Variants in HDAC4 observed in about 807,000 individuals in gnomAD.
HDAC4 encodes histone deacetylase 4.
A neutral mutation model predicts 135.1 loss-of-function variants in HDAC4; 16 were observed. That is an observed-to-expected ratio of 0.12 (90% CI 0.08 to 0.18). The LOEUF is 0.18. HDAC4 is among the 10% of genes least tolerant of loss of function. HDAC4 has a pLI of 1.00. For missense variants in HDAC4, 1,143 were observed against 1,511.8 expected, an observed-to-expected ratio of 0.76 and a Z score of 4.05; for synonymous variants, 685 against 653.4, an observed-to-expected ratio of 1.05 and a Z score of -0.74.
rs192092937 is a variant in HDAC4, at chr2:239,371,625, A to T, written c.-219-18707T>A. On this transcript the variant is annotated intron_variant, in intron 1 of 26. Coordinates refer to ENST00000543185, the MANE Select transcript of HDAC4 (RefSeq NM_001378414.1). The stretch of plus-strand genomic sequence containing the variant: ...CATGCTCACACATTCACACTCACAA[A>T]TACACTCATATAACCTCAAACACAC... Among the ~76,000 whole-genome samples the T allele has an allele frequency of 7.9e-5, 12 of 152,188 alleles. No individual in the cohort carries two copies. The East Asian group carries it at 2.3e-3, about 30-fold the overall frequency.
At chr2:239,058,245 A>G (rs1224725437) in intron 24 of HDAC4, among the ~76,000 whole-genome samples, 1 of 152,260 alleles carries the variant, frequency 6.6e-6, no homozygotes, top group Non-Finnish European at 1.5e-5. Context: ...TAGGTTGCAT[A>G]TCTTTGGACT....
chr2:239,382,890 A>G (rs1186093842), intron 1 of HDAC4, among the ~76,000 whole-genome samples: 2 of 151,988 alleles, frequency 1.3e-5, no homozygotes, highest in African/African-American at 4.8e-5. Context: ...ACGACTGGCT[A>G]ACTTTTTTGT....
At chr2:239,252,405 C>CCACCATGGACACAGCCCACGT (rs1015740444) in intron 2 of HDAC4, among the ~76,000 whole-genome samples, 11 of 152,220 alleles carry the variant, frequency 7.2e-5, no homozygotes, top group South Asian at 4.1e-4. Context: ...ATGGCCCACG[C>CCACCATGGACACAGCCCACGT]CACCATGGAC....
At chr2:239,273,660 C>G (rs1223700374) in intron 2 of HDAC4, among the ~76,000 whole-genome samples, 1 of 152,156 alleles carries the variant, frequency 6.6e-6, no homozygotes, top group Non-Finnish European at 1.5e-5. Flanking sequence ...CAGCTGCAAC[C>G]GCCAGGTCAC....
intron 24 of HDAC4, among the ~76,000 whole-genome samples, chr2:239,057,464 G>T (rs1362677084): frequency 6.6e-6 from 1 of 152,192 alleles, no homozygotes; most frequent in Non-Finnish European, 1.5e-5. Flanking sequence ...AGGTACATCA[G>T]AGTAAAACTG....
intron 2 of HDAC4, among the ~76,000 whole-genome samples, chr2:239,325,069 A>G (rs1352870505): frequency 2.0e-5 from 3 of 152,228 alleles, no homozygotes; most frequent in Non-Finnish European, 4.4e-5. Flanking sequence ...CCCCTACCTC[A>G]TACCATATGC....
chr2:239,176,666 C>T, intron 4 of HDAC4, 103 bp from the exon 5 acceptor site: 1 of 1,062,440 alleles, frequency 9.4e-7, no homozygotes, highest in Non-Finnish European at 1.4e-6. Flanking sequence ...ACACGTCTGC[C>T]CTGGTGTGGC....
At chr2:239,147,637 G>T (rs2041851929) in intron 7 of HDAC4, among the ~76,000 whole-genome samples, 1 of 152,264 alleles carries the variant, frequency 6.6e-6, no homozygotes, top group Non-Finnish European at 1.5e-5. Context: ...TACATTGACA[G>T]AACCAAAGCA....
At position 239,190,061 on chromosome 2, in the gene HDAC4, C is replaced by A. The variant is rs540431173; in HGVS notation, c.111G>T (p.Ala37=). ...HMPSTVDVAT[A]LPLQVAPSAV... is the part of the protein sequence containing the mutation. Reference sequence around the variant, plus strand: ...CCGAGGGGGCCACTTGCAGAGGCAGCGCCGTGGCCACATCCACTGTGGGAA... The same window carrying A: ...CCGAGGGGGCCACTTGCAGAGGCAGAGCCGTGGCCACATCCACTGTGGGAA... The change falls in exon 4 of 27, where the codon GCG becomes GCT. Residue 37 remains alanine, a synonymous_variant. Coordinates refer to ENST00000543185, the MANE Select transcript of HDAC4 (RefSeq NM_001378414.1). 1.2e-6 allele frequency: 2 copies of A among 1,600,850 alleles called. No homozygotes were observed. The highest frequency in any genetic ancestry group is 1.7e-6 in the Non-Finnish European group (2 of 1,179,016).
At chr2:239,295,421 T>G (rs11883623) in intron 2 of HDAC4, among the ~76,000 whole-genome samples, 3 of 150,152 alleles carry the variant, frequency 2.0e-5, no homozygotes, top group Admixed American at 6.6e-5. Context: ...CCAACGAGAA[T>G]GAGACAAGAT....
chr2:239,207,902 GAC>G (rs2046134708), intron 3 of HDAC4, among the ~76,000 whole-genome samples: 1 of 152,106 alleles, frequency 6.6e-6, no homozygotes, highest in Admixed American at 6.5e-5. Flanking sequence ...GTATAAAAAA[GAC>G]AGAAAAATTA....
chr2:239,090,650 G>GA (rs201534156), intron 17 of HDAC4, among the ~76,000 whole-genome samples: 70,728 of 145,354 alleles, frequency 0.49, 17,605 homozygotes, highest in East Asian at 0.67. Flanking sequence ...CTCCAAAAAG[G>GA]AAAAAAAAAA....
At chr2:239,090,422 A>C (rs990167299) in intron 17 of HDAC4, among the ~76,000 whole-genome samples, 1 of 143,846 alleles carries the variant, frequency 7.0e-6, no homozygotes, top group Non-Finnish European at 1.5e-5. Flanking sequence ...TGTCAAGGTG[A>C]TCTATTTCCT....
chr2:239,329,987 G>A (rs762229428), intron 2 of HDAC4, among the ~76,000 whole-genome samples: 110 of 152,298 alleles, frequency 7.2e-4, no homozygotes, highest in Middle Eastern at 3.4e-3. Context: ...GGTGGGAGGA[G>A]GGGTGTGCAG....
chr2:239,158,713 C>T (rs996755058), intron 6 of HDAC4, among the ~76,000 whole-genome samples: 19 of 152,020 alleles, frequency 1.2e-4, no homozygotes, highest in Admixed American at 2.6e-4. Context: ...ATGCAGAGCC[C>T]GCCCCACCGC....
rs2125910003 is a variant in HDAC4 at position 239,349,269 on chromosome 2, A to G, written c.22+3409T>C. ...GGAGGGAGGGGAGGTGCAGCCAGGT[A>G]GGCCCCGAACACCACGTTGCCAGGA... On this transcript the variant is annotated intron_variant, in intron 2 of 26. Transcript: ENST00000543185. The surrounding 1 kb of genome is among the most constrained non-coding windows in gnomAD (Gnocchi z 5.7). Among the ~76,000 whole-genome samples, 1 of 152,310 alleles carries G rather than the reference A, an allele frequency of 6.6e-6. No homozygotes were observed. The highest frequency in any genetic ancestry group is 2.1e-4 in the South Asian group (1 of 4,826).
intron 14 of HDAC4, among the ~76,000 whole-genome samples, chr2:239,109,039 G>A (rs189418432): frequency 2.8e-4 from 43 of 152,366 alleles, no homozygotes; most frequent in African/African-American, 1.0e-3. Context: ...AGAGGCTAGA[G>A]ATGCGAGGGA....
At chr2:239,338,808 T>A (rs563027067) in intron 2 of HDAC4, among the ~76,000 whole-genome samples, 28 of 152,176 alleles carry the variant, frequency 1.8e-4, no homozygotes, top group East Asian at 1.7e-3. Flanking sequence ...ACCAACCACA[T>A]TTCAAAAGCC....
chr2:239,289,090 T>C (rs2051310128), intron 2 of HDAC4, among the ~76,000 whole-genome samples: 1 of 152,138 alleles, frequency 6.6e-6, no homozygotes, highest in Non-Finnish European at 1.5e-5. Context: ...CAAAACAGAT[T>C]GAACTTGGAG....
Sources: gnomAD v4.1 joint callset for allele counts (sites outside exome capture counted in the v4.1 genomes callset) on GRCh38, gnomAD v4.1.1 for gene constraint, Gnocchi (gnomAD v3.1) non-coding constraint, MANE v1.5 for transcripts, NCBI Gene and HGNC (gene_info 2026-07-23, HGNC 2026-07-21) for gene names.